Variants in ZNF385D observed in about 807,000 individuals in gnomAD.
ZNF385D encodes the protein zinc finger protein 659.
ZNF385D carries 15 observed loss-of-function variants against 35.8 expected under a neutral mutation model. That is an observed-to-expected ratio of 0.42 (90% CI 0.28 to 0.64). The LOEUF (loss-of-function observed/expected upper bound fraction) is 0.64. Ranked by LOEUF, ZNF385D falls within the 30% of genes least tolerant of loss-of-function variation. ZNF385D has a pLI of 0.23. For missense variants in ZNF385D, 474 were observed against 494.6 expected (o/e 0.96, Z 0.39); for synonymous variants, 212 against 186.8 (o/e 1.13, Z -1.10).
intron 3 of ZNF385D, among the ~76,000 whole-genome samples, chr3:22,144,857 C>G (rs1218180288): frequency 6.6e-6 from 1 of 152,110 alleles, no homozygotes. Flanking sequence ...AGATCATTTA[C>G]AGCTTTATCA....
chr3:22,138,037 G>A (rs1366711453), intron 3 of ZNF385D, among the ~76,000 whole-genome samples: 10 of 152,082 alleles, frequency 6.6e-5, no homozygotes, highest in African/African-American at 9.7e-5. Flanking sequence ...CAGACAGAGA[G>A]CCAAATCATG....
intron 1 of ZNF385D, among the ~76,000 whole-genome samples, chr3:21,682,448 A>T (rs2066947294): frequency 6.7e-6 from 1 of 150,230 alleles, no homozygotes; most frequent in Admixed American, 6.6e-5. Context: ...CTAACATAGA[A>T]AGAATGGTGA....
chr3:21,492,600 C>T (rs569028974), intron 4 of ZNF385D, among the ~76,000 whole-genome samples: 2 of 151,338 alleles, frequency 1.3e-5, no homozygotes, highest in South Asian at 2.1e-4. Flanking sequence ...CTGACCAATA[C>T]GGTGAAACCT....
At chr3:21,873,342 T>C in intron 3 of ZNF385D, among the ~76,000 whole-genome samples, 1 of 152,112 alleles carries the variant, frequency 6.6e-6, no homozygotes, top group East Asian at 1.9e-4. Context: ...ATAAATCTCA[T>C]CAATTTAAAT....
At chr3:22,359,443 G>T (rs147178410) in intron 2 of ZNF385D, among the ~76,000 whole-genome samples, 1 of 151,792 alleles carries the variant, frequency 6.6e-6, no homozygotes, top group Non-Finnish European at 1.5e-5. Context: ...ACTACCTTGG[G>T]CATATTGATA....
At chr3:22,119,657 G>C (rs1186433922) in intron 3 of ZNF385D, among the ~76,000 whole-genome samples, 1 of 152,074 alleles carries the variant, frequency 6.6e-6, no homozygotes, top group Non-Finnish European at 1.5e-5. Context: ...CAGCCACTGT[G>C]CAGGACAGGT....
chr3:21,729,757 C>T (rs2068913256), intron 1 of ZNF385D, among the ~76,000 whole-genome samples: 1 of 152,156 alleles, frequency 6.6e-6, no homozygotes, highest in Non-Finnish European at 1.5e-5. Context: ...GGGATGACAT[C>T]CACTCAGGAA....
At chr3:21,658,009 G>A (rs1342803272) in intron 2 of ZNF385D, among the ~76,000 whole-genome samples, 1 of 151,698 alleles carries the variant, frequency 6.6e-6, no homozygotes, top group Non-Finnish European at 1.5e-5. Context: ...GATTCTGAAG[G>A]GTATATATCC....
intron 3 of ZNF385D, among the ~76,000 whole-genome samples, chr3:21,981,879 G>C (rs1398663796): frequency 1.3e-5 from 2 of 152,010 alleles, no homozygotes; most frequent in African/African-American, 2.4e-5. Context: ...TCATAGATAT[G>C]TGGCCTTATT....
At chr3:21,943,216 A>G (rs1701617245) in intron 3 of ZNF385D, among the ~76,000 whole-genome samples, 2 of 151,972 alleles carry the variant, frequency 1.3e-5, no homozygotes. Context: ...AGAAATAACT[A>G]ATTTATAAAA....
In ZNF385D at chr3:22,036,995, G is replaced by C. The variant is rs142198496; in HGVS notation, c.325+131822C>G. Among the ~76,000 whole-genome samples, 353 of 151,698 alleles carry C rather than the reference G, an allele frequency of 2.3e-3. 2 individuals carry two copies. The highest frequency in any genetic ancestry group is 5.2e-3 in the Admixed American group (79 of 15,216). On this transcript the variant is annotated intron_variant, in intron 3 of 5. Coordinates refer to the ZNF385D transcript ENST00000494108. ...TTTTGTCCCTGTGATAGTTTGCTGA[G>C]AATGATGGTTTCCAGCTTCATCCAT...
intron 1 of ZNF385D, among the ~76,000 whole-genome samples, chr3:21,686,969 C>T (rs1042997552): frequency 2.0e-5 from 3 of 152,152 alleles, no homozygotes; most frequent in Admixed American, 6.6e-5. Context: ...TATCACTGGC[C>T]TCATAACTTG....
At chr3:22,254,326 TATTTA>T (rs1275769633) in intron 2 of ZNF385D, among the ~76,000 whole-genome samples, 1 of 151,880 alleles carries the variant, frequency 6.6e-6, no homozygotes, top group Non-Finnish European at 1.5e-5. Flanking sequence ...TGTATGTATA[TATTTA>T]ATTTTATTTT....
At chr3:22,189,433 T>C (rs889009776) in intron 2 of ZNF385D, among the ~76,000 whole-genome samples, 3 of 152,164 alleles carry the variant, frequency 2.0e-5, no homozygotes, top group Non-Finnish European at 4.4e-5. Context: ...CCTTGAGATC[T>C]TATATAAAAT....
intron 3 of ZNF385D, among the ~76,000 whole-genome samples, chr3:21,815,282 A>C (rs1368602912): frequency 6.6e-6 from 1 of 152,204 alleles, no homozygotes; most frequent in Admixed American, 6.5e-5. Context: ...GAACTAGAGA[A>C]GCAAGAGCAA....
At chr3:21,972,875 A>G (rs1315047867) in intron 3 of ZNF385D, among the ~76,000 whole-genome samples, 1 of 152,012 alleles carries the variant, frequency 6.6e-6, no homozygotes, top group African/African-American at 2.4e-5. Context: ...CCGTGAAGAA[A>G]TCCAAAACCT....
chr3:21,776,460 T>C (rs1335725165), intron 3 of ZNF385D, among the ~76,000 whole-genome samples: 1 of 151,990 alleles, frequency 6.6e-6, no homozygotes, highest in Admixed American at 6.6e-5. Context: ...GAACGACGTA[T>C]GTGTGTGTTA....
intron 3 of ZNF385D, among the ~76,000 whole-genome samples, chr3:22,123,295 T>A (rs934497956): frequency 6.6e-6 from 1 of 152,172 alleles, no homozygotes; most frequent in African/African-American, 2.4e-5. Flanking sequence ...TTTACACAAG[T>A]TATATTTGAG....
chr3:21,443,287 A>G, intron 4 of ZNF385D: 7 of 985,380 alleles, frequency 7.1e-6, no homozygotes, highest in Non-Finnish European at 8.4e-6. Context: ...AGGTGAGGGG[A>G]TTCTTTATTC....
Sources: allele counts gnomAD v4.1 joint callset (sites outside exome capture counted in the v4.1 genomes callset), GRCh38; gene constraint gnomAD v4.1.1; transcripts MANE v1.5; gene names NCBI Gene and HGNC (gene_info 2026-07-23, HGNC 2026-07-21).